TOMM40L: variants seen among roughly 807,000 people sequenced by gnomAD.
TOMM40L encodes the protein translocase of outer mitochondrial membrane 40 like.
Under a neutral mutation model 38.3 loss-of-function variants are expected in TOMM40L, and 17 were observed. That is an observed-to-expected ratio of 0.44 (90% CI 0.30 to 0.67). The LOEUF is 0.67. Ranked by LOEUF, TOMM40L falls within the 30% of genes least tolerant of loss-of-function variation. The pLI is 0.08. For missense variants in TOMM40L, 294 were observed against 390.0 expected, an observed-to-expected ratio of 0.75 and a Z score of 2.07; for synonymous variants, 151 against 150.2, an observed-to-expected ratio of 1.01 and a Z score of -0.04.
intron 5 of TOMM40L, 46 bp from the exon 6 acceptor site, chr1:161,227,838 A>G: frequency 6.2e-7 from 1 of 1,608,752 alleles, no homozygotes; most frequent in Non-Finnish European, 8.5e-7. Flanking sequence ...GTCTATAATG[A>G]TCATAAAGAG....
Position 161,229,309 on chromosome 1 carries a change from C to A in TOMM40L, c.*214C>A. 1.5e-6 allele frequency: 1 copy of A among 657,610 alleles called. No individual in the cohort carries two copies. The highest frequency in any genetic ancestry group is 2.9e-5 in the Admixed American group (1 of 34,290). The allele number at this position is 657,610 out of a possible 1,614,324, so 40.7% of individuals were successfully genotyped here. The stretch of plus-strand genomic sequence containing the variant: ...TGAGGATCCCCCCTCTGCTACCAGC[C>A]CCAGTATCACCTTCCCCATGCTCTT... On this transcript the variant is annotated 3_prime_UTR_variant, in exon 10 of 10. Coordinates refer to ENST00000367988, the MANE Select transcript of TOMM40L (RefSeq NM_032174.6).
At chr1:161,227,373 T>A in intron 4 of TOMM40L, 23 bp downstream of exon 4, 1 of 1,611,376 alleles carries the variant, frequency 6.2e-7, no homozygotes, top group Admixed American at 1.7e-5. Context: ...CACACCTGGG[T>A]CATCTCCCTA....
At position 161,229,645 on chromosome 1, in the gene TOMM40L, C is replaced by T. The variant is rs769025799; in HGVS notation, c.*550C>T. 9 of 1,613,072 alleles carry T rather than the reference C, an allele frequency of 5.6e-6. No individual in the cohort carries two copies. The East Asian group carries it at 2.0e-4, about 36-fold the overall frequency. The stretch of plus-strand genomic sequence containing the variant: ...TTCCTATGGTCACCCCCACTATCCC[C>T]ATGACCGCATGAAGAGGCAGTTATT... On this transcript the variant is annotated 3_prime_UTR_variant, in exon 10 of 10. Transcript: ENST00000367988.
At chr1:161,228,379 G>A in intron 7 of TOMM40L, 49 bp from the exon 8 acceptor site, 1 of 1,613,850 alleles carries the variant, frequency 6.2e-7, no homozygotes, top group Non-Finnish European at 8.5e-7. Flanking sequence ...CCTGGCCTGT[G>A]TCATACTACA....
intron 4 of TOMM40L, 70 bp from the exon 5 acceptor site, chr1:161,227,566 T>C: frequency 7.4e-7 from 1 of 1,345,884 alleles, no homozygotes; most frequent in Non-Finnish European, 1.0e-6. Context: ...CTTAATGAAG[T>C]TCTATATTTG....
At chr1:161,227,763 CCT>C in intron 5 of TOMM40L, 26 bp downstream of exon 5, 1 of 1,601,162 alleles carries the variant, frequency 6.2e-7, no homozygotes, top group Non-Finnish European at 8.6e-7. Flanking sequence ...GCCTCCATCC[CCT>C]GAGGCACTTC....
In TOMM40L at chr1:161,229,647, T is replaced by C; in HGVS notation, c.*552T>C. 1 of 1,613,194 alleles carries C rather than the reference T, an allele frequency of 6.2e-7. No homozygotes were observed. Among genetic ancestry groups the C allele is most frequent in the Non-Finnish European group, 8.5e-7 (1 of 1,179,818 alleles). ...CCTATGGTCACCCCCACTATCCCCA[T>C]GACCGCATGAAGAGGCAGTTATTGC... On this transcript the variant is annotated 3_prime_UTR_variant, in exon 10 of 10. Coordinates refer to ENST00000367988, the MANE Select transcript of TOMM40L (RefSeq NM_032174.6).
At position 161,229,449 on chromosome 1, in the gene TOMM40L, G is replaced by C; in HGVS notation, c.*354G>C. Reference sequence around the variant, plus strand: ...TGGTTAATCCTGCATGGGATTAGCTGACCATCCTGTTTTCCATCCCAGAGC... The same window carrying C: ...TGGTTAATCCTGCATGGGATTAGCTCACCATCCTGTTTTCCATCCCAGAGC... On this transcript the variant is annotated 3_prime_UTR_variant, in exon 10 of 10. Transcript: ENST00000367988. 1.5e-6 allele frequency: 1 copy of C among 653,172 alleles called. No individual in the cohort carries two copies. The highest frequency in any genetic ancestry group is 2.6e-6 in the Non-Finnish European group (1 of 386,002). 40.5% of individuals were successfully genotyped at this position (653,172 alleles called of 1,614,324 possible).
Position 161,229,346 on chromosome 1 carries a change from C to T in TOMM40L, c.*251C>T. 1 of 627,858 alleles carries T rather than the reference C, an allele frequency of 1.6e-6. No homozygotes were observed. The highest frequency in any genetic ancestry group is 2.7e-6 in the Non-Finnish European group (1 of 364,092). The allele number at this position is 627,858 out of a possible 1,614,324, so 38.9% of individuals were successfully genotyped here. A position where few individuals can be genotyped will look rare whatever the true frequency, so the allele number is the denominator to read the frequency against. On this transcript the variant is annotated 3_prime_UTR_variant, in exon 10 of 10. Transcript: ENST00000367988. The stretch of plus-strand genomic sequence containing the variant: ...TTCCCCATGCTCTTGTGGCTGTGGA[C>T]TAAGGGAGAAGGATTAAGGGGTATG...
In TOMM40L at chr1:161,228,278, G is replaced by A; in HGVS notation, c.577G>A (p.Ala193Thr). Residue 193 changes from alanine to threonine, a missense_variant, in exon 7 of 10, where the codon GCC (alanine) becomes ACC (threonine). By Grantham distance (58) the Ala-to-Thr change is moderately conservative. Transcript: ENST00000367988. ...VYHRRPGEEGAILTLAGKYSA... is the reference protein window; with the variant it reads ...VYHRRPGEEGTILTLAGKYSA... ...TCACCGGCGGCCAGGCGAAGAGGGG[G>A]CCATCTTGACACTGGCTGGGAAGTA... The A allele has an allele frequency of 6.2e-7, 1 of 1,606,944 alleles. No homozygotes were observed. The highest frequency in any genetic ancestry group is 1.1e-5 in the South Asian group (1 of 90,180).
intron 1 of TOMM40L, 81 bp downstream of exon 1, chr1:161,226,217 C>T: frequency 2.5e-6 from 1 of 400,408 alleles, no homozygotes. Flanking sequence ...TAGGTGAAGT[C>T]TGTGGTGGGG....
rs931891347 is a variant in TOMM40L at position 161,229,740 on chromosome 1, C to T, written c.*645C>T. The T allele has an allele frequency of 6.2e-7, 1 of 1,614,086 alleles. No homozygotes were observed. Among genetic ancestry groups the T allele is most frequent in the African/African-American group, 1.3e-5 (1 of 74,926 alleles). ...CCCAATCTTTGGTCCCAGCATTTTC[C>T]CACTCCAGTGTATCCAGGGTGTTCC... On this transcript the variant is annotated 3_prime_UTR_variant, in exon 10 of 10. Coordinates refer to ENST00000367988, the MANE Select transcript of TOMM40L (RefSeq NM_032174.6).
At position 161,229,509 on chromosome 1, in the gene TOMM40L, G is replaced by C. The variant is rs1164431114; in HGVS notation, c.*414G>C. The C allele has an allele frequency of 4.5e-6, 4 of 879,164 alleles. No homozygotes were observed. The Admixed American group carries it at 7.9e-5, about 17-fold the overall frequency. The allele number at this position is 879,164 out of a possible 1,614,324, so 54.5% of individuals were successfully genotyped here. A position where few individuals can be genotyped will look rare whatever the true frequency, so the allele number is the denominator to read the frequency against. ...CTGGGAAAGTAGGGCTGAAGGGCTA[G>C]ATGTTTGGTCTCAGGAAGTGGGGCC... On this transcript the variant is annotated 3_prime_UTR_variant, in exon 10 of 10. Transcript: ENST00000367988.
Position 161,226,465 on chromosome 1 carries a change from G to T in TOMM40L, c.-25G>T. ...AGCGTCCTTTCACAGGCTAACCTCG[G>T]CTCTTCCCAGTCCTCTGGACTAAAA... On this transcript the variant is annotated 5_prime_UTR_variant, in exon 2 of 10. Transcript: ENST00000367988. The T allele has an allele frequency of 1.2e-6, 2 of 1,602,446 alleles. No individual in the cohort carries two copies. The highest frequency in any genetic ancestry group is 1.7e-6 in the Non-Finnish European group (2 of 1,172,280).
At position 161,229,117 on chromosome 1, in the gene TOMM40L, A is replaced by G. The variant is rs767106215; in HGVS notation, c.*22A>G. 2 of 1,614,086 alleles carry G rather than the reference A, an allele frequency of 1.2e-6. No individual in the cohort carries two copies. Among genetic ancestry groups the G allele is most frequent in the Non-Finnish European group, 1.7e-6 (2 of 1,180,008 alleles). ...CTGAGGTTGTCCAGAGCCAGCCCCC[A>G]CAGCAGCTGGAACCTCTGAGTCAGG... On this transcript the variant is annotated 3_prime_UTR_variant, in exon 10 of 10. Transcript: ENST00000367988.
chr1:161,229,379 T>TC lies in TOMM40L; in HGVS notation c.*289dup. On this transcript the variant is annotated 3_prime_UTR_variant, in exon 10 of 10. Transcript: ENST00000367988. ...GAAGGATTAAGGGGTATGGCTGAATTCCCCCGGCACCCCTTGCCCTCAGGC... is the reference window on the plus strand; with the variant it reads ...GAAGGATTAAGGGGTATGGCTGAATTCCCCCCGGCACCCCTTGCCCTCAGGC... The TC allele has an allele frequency of 1.6e-6, 1 of 611,508 alleles. No individual in the cohort carries two copies. Among genetic ancestry groups the TC allele is most frequent in the South Asian group, 2.0e-5 (1 of 49,156 alleles). 37.9% of individuals were successfully genotyped at this position (611,508 alleles called of 1,614,324 possible).
chr1:161,227,226 C>A (rs764273158), intron 3 of TOMM40L, 32 bp from the exon 4 acceptor site: 21 of 1,596,428 alleles, frequency 1.3e-5, no homozygotes, highest in Non-Finnish European at 1.7e-5. Flanking sequence ...AGCAGGAATG[C>A]GCTTTTCTCC....
chr1:161,228,873 G>A (rs993766046), intron 9 of TOMM40L, 56 bp downstream of exon 9: 6 of 1,613,560 alleles, frequency 3.7e-6, no homozygotes, highest in Non-Finnish European at 5.1e-6. Flanking sequence ...TGCAGAGGAG[G>A]GAGGGAAGCT....
rs1332050016 is a variant in TOMM40L, at chr1:161,226,544, C to G, written c.55C>G (p.Arg19Gly). The G allele has an allele frequency of 3.7e-6, 6 of 1,614,152 alleles. No homozygotes were observed. The highest frequency in any genetic ancestry group is 5.1e-6 in the Non-Finnish European group (6 of 1,180,020). ...GGGGACTTTGCCCCGCCGGAGCCCC[C>G]GCCGAGAGGAACCCCTGCCCAACCC... Reference protein sequence around the residue: ...PMGTLPRRSPRREEPLPNPGS... With the variant: ...PMGTLPRRSPGREEPLPNPGS... Residue 19 changes from arginine (R) to glycine (G), a missense_variant, in exon 2 of 10, where the codon CGC (arginine) becomes GGC (glycine). Transcript: ENST00000367988.
Sources: gnomAD v4.1 joint callset for allele counts on GRCh38, gnomAD v4.1.1 for gene constraint, MANE v1.5 for transcripts, NCBI Gene and HGNC (gene_info 2026-07-23, HGNC 2026-07-21) for gene names.